The following RABEP1 variants were observed in gnomAD, a reference collection of about 807,000 sequenced individuals.
RABEP1 encodes the protein rabaptin, RAB GTPase binding effector protein 1.
A neutral mutation model predicts 123.4 loss-of-function variants in RABEP1; 51 were observed. That is an observed-to-expected ratio of 0.41 (90% CI 0.33 to 0.52). The LOEUF is 0.52. Ranked by LOEUF, RABEP1 falls within the 20% of genes least tolerant of loss-of-function variation. RABEP1 has a pLI of 0.16. For missense variants in RABEP1, 888 were observed against 996.3 expected, an observed-to-expected ratio of 0.89 and a Z score of 1.46; for synonymous variants, 347 against 355.2, an observed-to-expected ratio of 0.98 and a Z score of 0.26.
chr17:5,312,313 T>G (rs111842118), intron 2 of RABEP1, among the ~76,000 whole-genome samples: 2 of 152,286 alleles, frequency 1.3e-5, no homozygotes, highest in African/African-American at 4.8e-5. Flanking sequence ...CACACCTGGC[T>G]AATTTTTTTG....
intron 15 of RABEP1, among the ~76,000 whole-genome samples, chr17:5,379,975 CCT>C (rs1194042604): frequency 1.3e-5 from 2 of 152,162 alleles, no homozygotes; most frequent in Admixed American, 6.5e-5. Context: ...CCATCCATTC[CCT>C]CTTATTGGAG....
At chr17:5,283,426 A>G (rs1033079855) in intron 1 of RABEP1, among the ~76,000 whole-genome samples, 1 of 152,158 alleles carries the variant, frequency 6.6e-6, no homozygotes, top group Non-Finnish European at 1.5e-5. Flanking sequence ...GGGAAATTGG[A>G]CTAAGCTGTG....
At chr17:5,369,579 T>G (rs1266388896) in intron 12 of RABEP1, among the ~76,000 whole-genome samples, 1 of 152,206 alleles carries the variant, frequency 6.6e-6, no homozygotes, top group Non-Finnish European at 1.5e-5. Context: ...GTTTCATGTG[T>G]TTTCTCTAAT....
Position 5,383,477 on chromosome 17 carries a change from T to C in RABEP1, c.*254T>C, listed in dbSNP as rs769842998. On this transcript the variant is annotated 3_prime_UTR_variant, in exon 18 of 18. Transcript: ENST00000537505. ...TGATTCCAACAGGCGTGGGATCAGATTTGGTGATGGAAAAAGCGCTGTTTC... is the reference window on the plus strand; with the variant it reads ...TGATTCCAACAGGCGTGGGATCAGACTTGGTGATGGAAAAAGCGCTGTTTC... 1 of 421,790 alleles carries C rather than the reference T, an allele frequency of 2.4e-6. No homozygotes were observed. Among genetic ancestry groups the C allele is most frequent in the Non-Finnish European group, 4.3e-6 (1 of 232,038 alleles). 26.1% of individuals were successfully genotyped at this position (421,790 alleles called of 1,614,324 possible).
intron 8 of RABEP1, chr17:5,360,954 A>G (rs1909464914): frequency 4.2e-6 from 2 of 477,710 alleles, no homozygotes; most frequent in East Asian, 3.8e-5. Context: ...CAGTCTGCTT[A>G]CTTATCTTTT....
At chr17:5,291,383 G>A (rs1414476856) in intron 1 of RABEP1, among the ~76,000 whole-genome samples, 3 of 152,126 alleles carry the variant, frequency 2.0e-5, no homozygotes, top group Middle Eastern at 3.2e-3. Context: ...TTGCACTCCA[G>A]CCCGGGCGAC....
At chr17:5,312,493 A>G (rs898890411) in intron 2 of RABEP1, among the ~76,000 whole-genome samples, 1 of 152,186 alleles carries the variant, frequency 6.6e-6, no homozygotes, top group South Asian at 2.1e-4. Context: ...GAACCATAGT[A>G]AAATACTATA....
intron 11 of RABEP1, among the ~76,000 whole-genome samples, chr17:5,367,608 A>G (rs981404862): frequency 2.0e-5 from 3 of 150,850 alleles, no homozygotes; most frequent in Non-Finnish European, 4.4e-5. Flanking sequence ...TGGATAGCCA[A>G]TTTCTGTATG....
intron 2 of RABEP1, among the ~76,000 whole-genome samples, chr17:5,318,377 T>A (rs1012518341): frequency 6.6e-6 from 1 of 152,138 alleles, no homozygotes; most frequent in African/African-American, 2.4e-5. Context: ...AGTATGTGAA[T>A]TATATCTCAA....
At chr17:5,371,291 G>T (rs1276632989) in intron 12 of RABEP1, 1 of 152,080 alleles carries the variant, frequency 6.6e-6, no homozygotes, top group Non-Finnish European at 1.5e-5. Flanking sequence ...TACATTTTCA[G>T]ATTTGATTTT....
chr17:5,331,978 C>G lies in RABEP1; in HGVS notation c.193C>G (p.Gln65Glu), dbSNP rs561923531. The G allele has an allele frequency of 1.1e-5, 18 of 1,613,952 alleles. No individual in the cohort carries two copies. In the South Asian group the frequency reaches 2.0e-4, roughly 18 times the overall value. ...EDLKRQNAVL[Q>E]AAQDDLGHLR... ...TCTGAAGAGGCAAAATGCAGTATTA[C>G]AAGCTGCACAAGATGATTTGGGACA... Residue 65 changes from glutamine (Q) to glutamate (E), a missense_variant, in exon 3 of 18, where the codon CAA becomes GAA. By Grantham distance (29) the Gln-to-Glu change is conservative (BLOSUM62 2). Coordinates refer to ENST00000537505, the MANE Select transcript of RABEP1 (RefSeq NM_004703.6).
At chr17:5,289,079 C>G (rs1212470432) in intron 1 of RABEP1, among the ~76,000 whole-genome samples, 1 of 152,064 alleles carries the variant, frequency 6.6e-6, no homozygotes, top group Non-Finnish European at 1.5e-5. Flanking sequence ...TATTGGCTGG[C>G]TGGCTTGCTT....
chr17:5,308,228 C>CT (rs34390571), intron 1 of RABEP1, among the ~76,000 whole-genome samples: 97,090 of 140,184 alleles, frequency 0.69, 34,570 homozygotes, highest in Non-Finnish European at 0.78. Context: ...ATACAAGGAT[C>CT]TTTTTTTTTT....
chr17:5,382,348 C>T (rs1416611958), intron 17 of RABEP1, among the ~76,000 whole-genome samples: 1 of 151,580 alleles, frequency 6.6e-6, no homozygotes, highest in Non-Finnish European at 1.5e-5. Context: ...TCCCAAATTG[C>T]TGGGATTACA....
At chr17:5,288,807 G>A (rs2075004055) in intron 1 of RABEP1, among the ~76,000 whole-genome samples, 2 of 152,120 alleles carry the variant, frequency 1.3e-5, no homozygotes, top group Non-Finnish European at 2.9e-5. Context: ...AGGTTCAGGC[G>A]ATTCTCGTGC....
At position 5,289,461 on chromosome 17, in the gene RABEP1, T is replaced by C. The variant is rs370879102; in HGVS notation, c.34+6941T>C. On this transcript the variant is annotated intron_variant, in intron 1 of 17. Transcript: ENST00000537505. ...AAATTTATGGTTTCTGGGTTTCTTA[T>C]TTTGCTGAGGAAGACCTCCCCAACT... Among the ~76,000 whole-genome samples the C allele has an allele frequency of 1.5e-4, 23 of 151,540 alleles. No homozygotes were observed. The East Asian group carries it at 3.7e-3, about 24-fold the overall frequency.
In RABEP1 at chr17:5,361,529, G is replaced by A; in HGVS notation, c.1417G>A (p.Glu473Lys). The change falls in exon 9 of 18, where the codon GAA becomes AAA. Residue 473 changes from glutamate to lysine, a missense_variant. Physicochemically the swap from Glu to Lys is moderately conservative, Grantham distance 56 (BLOSUM62 1). Coordinates refer to ENST00000537505, the MANE Select transcript of RABEP1 (RefSeq NM_004703.6). ...TGGGTTTATGTTAACCAAAGATCAG[G>A]AAAGAGCAATCAAGGCGATGACACC... ...PSGFMLTKDQERAIKAMTPEQ... is the reference protein window; with the variant it reads ...PSGFMLTKDQKRAIKAMTPEQ... 6.2e-7 allele frequency: 1 copy of A among 1,614,158 alleles called. No individual in the cohort carries two copies. The highest frequency in any genetic ancestry group is 8.5e-7 in the Non-Finnish European group (1 of 1,180,042).
chr17:5,316,949 G>C (rs1012797816), intron 2 of RABEP1, among the ~76,000 whole-genome samples: 1 of 151,716 alleles, frequency 6.6e-6, no homozygotes, highest in African/African-American at 2.4e-5. Flanking sequence ...CTGTCACCCA[G>C]GCTGGCGTGC....
At chr17:5,351,020 A>AT (rs1302044771) in intron 7 of RABEP1, among the ~76,000 whole-genome samples, 5 of 150,656 alleles carry the variant, frequency 3.3e-5, no homozygotes, top group South Asian at 2.1e-4. Context: ...ACATTATGAG[A>AT]TTTTTTTTGC....
Sources: gnomAD v4.1 joint callset for allele counts (sites outside exome capture counted in the v4.1 genomes callset) on GRCh38, gnomAD v4.1.1 for gene constraint, MANE v1.5 for transcripts, NCBI Gene and HGNC (gene_info 2026-07-23, HGNC 2026-07-21) for gene names.